Variants in ANO3 observed in about 807,000 individuals in gnomAD.
ANO3 encodes the protein anoctamin-3.
In ANO3, 99 loss-of-function variants were observed where a neutral mutation model predicts 144.8. The ratio of observed to expected loss-of-function variants is 0.68; its 90% confidence interval spans 0.58 to 0.81. The LOEUF (loss-of-function observed/expected upper bound fraction) is 0.81, where lower values mean the gene tolerates loss of function less well. Among genes scored for constraint, ANO3 ranks in the 30% least tolerant of loss-of-function variants. The probability of loss-of-function intolerance (pLI) is 0.00; values close to 1 mark genes in which losing one functional copy is unlikely to be tolerated. For missense variants in ANO3, 905 were observed against 1,202.2 expected (o/e 0.75, Z 3.66); for synonymous variants, 414 against 392.6 (o/e 1.05, Z -0.64).
intron 1 of ANO3, among the ~76,000 whole-genome samples, chr11:26,341,663 G>T (rs534064861): frequency 3.3e-5 from 5 of 152,320 alleles, no homozygotes; most frequent in African/African-American, 1.2e-4. Context: ...ACAAGGTAAA[G>T]TCCCATGATA....
At chr11:26,594,602 G>A (rs957771971) in intron 14 of ANO3, among the ~76,000 whole-genome samples, 22 of 152,096 alleles carry the variant, frequency 1.4e-4, no homozygotes, top group Admixed American at 7.2e-4. Context: ...GCGTAATCGG[G>A]TAATACTGGC....
intron 4 of ANO3, among the ~76,000 whole-genome samples, chr11:26,465,861 ACT>A (rs1256147750): frequency 6.6e-6 from 1 of 151,960 alleles, no homozygotes; most frequent in African/African-American, 2.4e-5. Context: ...GTACATATGC[ACT>A]GTTTGTAATA....
At chr11:26,622,689 C>A (rs1252962496) in intron 17 of ANO3, among the ~76,000 whole-genome samples, 1 of 152,200 alleles carries the variant, frequency 6.6e-6, no homozygotes, top group African/African-American at 2.4e-5. Context: ...GATAGTCAAT[C>A]CTGACTTTGC....
intron 1 of ANO3, among the ~76,000 whole-genome samples, chr11:26,201,991 T>C (rs1221819903): frequency 1.3e-5 from 2 of 151,228 alleles, no homozygotes; most frequent in African/African-American, 4.8e-5. Context: ...TTACGATATC[T>C]GTTACTTATT....
At chr11:26,266,083 C>T (rs1853300905) in intron 1 of ANO3, among the ~76,000 whole-genome samples, 1 of 152,012 alleles carries the variant, frequency 6.6e-6, no homozygotes, top group Admixed American at 6.6e-5. Flanking sequence ...ATTCATTACC[C>T]AATACAATTT....
intron 1 of ANO3, among the ~76,000 whole-genome samples, chr11:26,420,202 A>G (rs1332377117): frequency 6.6e-6 from 1 of 152,114 alleles, no homozygotes; most frequent in South Asian, 2.1e-4. Flanking sequence ...ATCAAACTCA[A>G]TAGTTACCTT....
At chr11:26,394,570 C>CTTTTTTTTTTTT (rs56118844) in intron 1 of ANO3, among the ~76,000 whole-genome samples, 1 of 115,750 alleles carries the variant, frequency 8.6e-6, no homozygotes, top group Non-Finnish European at 1.8e-5. Context: ...ATTTCATTTT[C>CTTTTTTTTTTTT]TTTTTTTTTT....
intron 4 of ANO3, among the ~76,000 whole-genome samples, chr11:26,471,551 C>G (rs906930255): frequency 2.0e-5 from 3 of 151,838 alleles, no homozygotes. Context: ...CCTTACCAAT[C>G]AAAATATGAA....
At chr11:26,536,116 T>C (rs1849502081) in intron 9 of ANO3, among the ~76,000 whole-genome samples, 5 of 74,470 alleles carry the variant, frequency 6.7e-5, no homozygotes, top group Middle Eastern at 7.5e-3. Context: ...GATCAGGGGT[T>C]CAAGACCAGC....
chr11:26,267,975 C>G (rs1457445820), intron 1 of ANO3, among the ~76,000 whole-genome samples: 1 of 151,926 alleles, frequency 6.6e-6, no homozygotes, highest in Non-Finnish European at 1.5e-5. Flanking sequence ...TGAATAAGAG[C>G]AAAATTTAAA....
chr11:26,520,587 G>T (rs975751586), intron 6 of ANO3, among the ~76,000 whole-genome samples: 1 of 152,078 alleles, frequency 6.6e-6, no homozygotes, highest in Non-Finnish European at 1.5e-5. Flanking sequence ...AGTATTAGTA[G>T]TTCAACAGGA....
intron 26 of ANO3, among the ~76,000 whole-genome samples, chr11:26,659,739 A>G (rs1024075200): frequency 3.9e-5 from 6 of 152,190 alleles, no homozygotes; most frequent in African/African-American, 1.4e-4. Context: ...TTTTTATCAT[A>G]GAATTATTAT....
chr11:26,617,924 C>A (rs1340446584), intron 17 of ANO3, among the ~76,000 whole-genome samples: 3 of 152,148 alleles, frequency 2.0e-5, no homozygotes, highest in African/African-American at 7.2e-5. Flanking sequence ...TGGATTTAAT[C>A]AAGTAGGGCT....
chr11:26,468,144 G>T (rs7119659), intron 4 of ANO3, among the ~76,000 whole-genome samples: 1 of 151,580 alleles, frequency 6.6e-6, no homozygotes, highest in Non-Finnish European at 1.5e-5. Context: ...CAATTTACAG[G>T]GATTATCTAT....
intron 1 of ANO3, among the ~76,000 whole-genome samples, chr11:26,403,832 C>G (rs1244921541): frequency 1.3e-5 from 2 of 151,876 alleles, no homozygotes; most frequent in African/African-American, 4.8e-5. Flanking sequence ...ACATTTCAAG[C>G]ATTTTAAAAT....
intron 1 of ANO3, among the ~76,000 whole-genome samples, chr11:26,278,687 CA>C (rs1475609124): frequency 1.3e-5 from 2 of 152,104 alleles, no homozygotes; most frequent in African/African-American, 4.8e-5. Flanking sequence ...ACTTCAAATA[CA>C]AACAGTACTA....
At chr11:26,223,131 GT>G (rs1852182960) in intron 1 of ANO3, among the ~76,000 whole-genome samples, 2 of 151,574 alleles carry the variant, frequency 1.3e-5, no homozygotes, top group South Asian at 4.2e-4. Flanking sequence ...TCAATTTTAA[GT>G]TGTTTTCTTG....
intron 16 of ANO3, 32 bp from the exon 17 acceptor site, chr11:26,599,518 A>G (rs1188864946): frequency 1.3e-6 from 2 of 1,594,674 alleles, no homozygotes; most frequent in Non-Finnish European, 1.7e-6. Context: ...GATGTAAAAT[A>G]TGGATGTTTT....
At chr11:26,658,203 ACTAT>A (rs1420523228) in intron 26 of ANO3, among the ~76,000 whole-genome samples, 1 of 152,126 alleles carries the variant, frequency 6.6e-6, no homozygotes, top group African/African-American at 2.4e-5. Flanking sequence ...TATTGAAGAG[ACTAT>A]CTTTTATTGT....
Sources: allele counts gnomAD v4.1 joint callset (sites outside exome capture counted in the v4.1 genomes callset), GRCh38; gene constraint gnomAD v4.1.1; transcripts MANE v1.5; gene names NCBI Gene and HGNC (gene_info 2026-07-23, HGNC 2026-07-21).